The following ATRNL1 variants were observed in gnomAD, a reference collection of about 807,000 sequenced individuals.
The protein encoded by ATRNL1 is attractin-like protein 1.
Under a neutral mutation model 182.7 loss-of-function variants are expected in ATRNL1, and 95 were observed. The observed-to-expected ratio is 0.52, with a 90% CI of 0.44 to 0.62. The LOEUF (loss-of-function observed/expected upper bound fraction) is 0.62, where lower values mean the gene tolerates loss of function less well. Among genes scored for constraint, ATRNL1 ranks in the 20% least tolerant of loss-of-function variants. ATRNL1 has a pLI of 0.00. For synonymous variants in ATRNL1, 576 were observed against 568.3 expected, an observed-to-expected ratio of 1.01 and a Z score of -0.19; for missense variants, 1,471 against 1,679.5, an observed-to-expected ratio of 0.88 and a Z score of 2.17.
intron 8 of ATRNL1, among the ~76,000 whole-genome samples, chr10:115,214,059 C>CACACACAA (rs1301746502): frequency 1.3e-5 from 2 of 151,382 alleles, no homozygotes; most frequent in African/African-American, 4.9e-5. Context: ...CACACACACA[C>CACACACAA]ACACACACAT....
chr10:115,301,246 G>T (rs919589507), intron 16 of ATRNL1, among the ~76,000 whole-genome samples: 2 of 151,926 alleles, frequency 1.3e-5, no homozygotes, highest in South Asian at 4.2e-4. Context: ...CACTTCTTTG[G>T]GGTATATATA....
At chr10:115,135,480 G>T (rs1466634261) in intron 5 of ATRNL1, among the ~76,000 whole-genome samples, 1 of 152,130 alleles carries the variant, frequency 6.6e-6, no homozygotes, top group Non-Finnish European at 1.5e-5. Flanking sequence ...ACTTACAAGG[G>T]ACGTGAAGGA....
chr10:115,180,266 C>T (rs1847699109), intron 8 of ATRNL1, among the ~76,000 whole-genome samples: 1 of 151,934 alleles, frequency 6.6e-6, no homozygotes, highest in East Asian at 1.9e-4. Context: ...AGCTTTATCA[C>T]ATATACATGT....
intron 27 of ATRNL1, among the ~76,000 whole-genome samples, chr10:115,755,481 G>C (rs1341254770): frequency 6.6e-6 from 1 of 152,078 alleles, no homozygotes; most frequent in Non-Finnish European, 1.5e-5. Flanking sequence ...TTATTGATTA[G>C]CGTATGTTGA....
At chr10:115,917,881 A>G (rs1295145780) in intron 28 of ATRNL1, among the ~76,000 whole-genome samples, 1 of 152,170 alleles carries the variant, frequency 6.6e-6, no homozygotes, top group Non-Finnish European at 1.5e-5. Flanking sequence ...AGTCACTGCT[A>G]TTGTAATTAT....
intron 27 of ATRNL1, among the ~76,000 whole-genome samples, chr10:115,743,191 T>A (rs1018856956): frequency 1.4e-5 from 2 of 146,454 alleles, no homozygotes; most frequent in Non-Finnish European, 3.0e-5. Flanking sequence ...AAGATGAGAT[T>A]TGGGTGGGGA....
intron 26 of ATRNL1, among the ~76,000 whole-genome samples, chr10:115,618,787 A>C (rs1857567794): frequency 6.6e-6 from 1 of 152,024 alleles, no homozygotes; most frequent in African/African-American, 2.4e-5. Context: ...GAGTTTTCTT[A>C]AGATCATTAT....
Position 115,262,920 on chromosome 10 carries a change from A to G in ATRNL1, c.1688-2273A>G, listed in dbSNP as rs78199504. Among the ~76,000 whole-genome samples, 216 of 152,098 alleles carry G rather than the reference A, an allele frequency of 1.4e-3. 2 individuals carry two copies. The highest frequency in any genetic ancestry group is 1.9e-3 in the Non-Finnish European group (132 of 67,854). On this transcript the variant is annotated intron_variant, in intron 10 of 28. Transcript: ENST00000355044. ...TGTTGTACACTGCTAATGTGAGTCA[A>G]CACAACTACTTTGGGGAGCAAATTG...
intron 26 of ATRNL1, among the ~76,000 whole-genome samples, chr10:115,634,324 C>T (rs1858722164): frequency 6.6e-6 from 1 of 152,092 alleles, no homozygotes. Context: ...TATAATGGTA[C>T]TTGAATTCAA....
chr10:115,501,921 A>T (rs375601828), intron 24 of ATRNL1, among the ~76,000 whole-genome samples: 4 of 152,060 alleles, frequency 2.6e-5, no homozygotes, highest in African/African-American at 9.7e-5. Context: ...GTTATCAGAG[A>T]TTGCATTCAA....
intron 26 of ATRNL1, among the ~76,000 whole-genome samples, chr10:115,651,474 CT>C (rs1859997829): frequency 1.3e-5 from 2 of 152,118 alleles, no homozygotes; most frequent in Non-Finnish European, 2.9e-5. Flanking sequence ...CCTTTTACTG[CT>C]TTCAAGATTT....
At position 115,578,741 on chromosome 10, in the gene ATRNL1, G is replaced by C. The variant is rs782757786; in HGVS notation, c.3795+29205G>C. 5.3e-5 allele frequency among the ~76,000 whole-genome samples: 8 copies of C among 151,214 alleles called. 1 individual carries two copies. The highest frequency in any genetic ancestry group is 1.2e-4 in the Non-Finnish European group (8 of 67,568). On this transcript the variant is annotated intron_variant, in intron 26 of 28. Transcript: ENST00000355044. Reference sequence around the variant, plus strand: ...TCTTTTCTGTTTGATTCCTATGCTGGTCTTTATTAGTTTCTTCATTCTGCT... The same window carrying C: ...TCTTTTCTGTTTGATTCCTATGCTGCTCTTTATTAGTTTCTTCATTCTGCT...
intron 26 of ATRNL1, among the ~76,000 whole-genome samples, chr10:115,628,216 G>A (rs747933142): frequency 6.0e-4 from 91 of 151,670 alleles, no homozygotes; most frequent in Non-Finnish European, 9.7e-4. Flanking sequence ...CGATGTATGC[G>A]AGTTTCAGTT....
At chr10:115,516,025 G>T in intron 24 of ATRNL1, among the ~76,000 whole-genome samples, 1 of 151,646 alleles carries the variant, frequency 6.6e-6, no homozygotes, top group African/African-American at 2.4e-5. Flanking sequence ...GTCTCCTAGG[G>T]ACTATCAAAC....
intron 20 of ATRNL1, among the ~76,000 whole-genome samples, chr10:115,416,589 C>T (rs1464584739): frequency 6.6e-6 from 1 of 152,048 alleles, no homozygotes; most frequent in Middle Eastern, 3.2e-3. Context: ...ATTTTCTGTG[C>T]TTGACTATTG....
chr10:115,782,534 A>G (rs1390548204), intron 27 of ATRNL1, among the ~76,000 whole-genome samples: 6 of 152,104 alleles, frequency 3.9e-5, no homozygotes, highest in Admixed American at 2.0e-4. Flanking sequence ...GGCTGATTTC[A>G]TTCACCTGGC....
intron 18 of ATRNL1, among the ~76,000 whole-genome samples, chr10:115,326,233 A>T (rs995719577): frequency 6.6e-6 from 1 of 152,182 alleles, no homozygotes; most frequent in Non-Finnish European, 1.5e-5. Flanking sequence ...AACTTCAGCA[A>T]AGTCTCAGGA....
At chr10:115,289,256 C>T (rs1399406992) in intron 15 of ATRNL1, among the ~76,000 whole-genome samples, 1 of 152,164 alleles carries the variant, frequency 6.6e-6, no homozygotes, top group African/African-American at 2.4e-5. Flanking sequence ...CCCATCAGAT[C>T]CCTCCCACAA....
At chr10:115,418,943 G>A (rs1494174) in intron 20 of ATRNL1, among the ~76,000 whole-genome samples, 107,482 of 152,080 alleles carry the variant, frequency 0.71, 38,938 homozygotes, top group Non-Finnish European at 0.76. Flanking sequence ...AAAAAATGCT[G>A]AAGAGAGCTC....
Sources: allele counts gnomAD v4.1 joint callset (sites outside exome capture counted in the v4.1 genomes callset), GRCh38; gene constraint gnomAD v4.1.1; transcripts MANE v1.5; gene names NCBI Gene and HGNC (gene_info 2026-07-23, HGNC 2026-07-21).